The following SPIDR variants were observed in gnomAD, a reference collection of about 807,000 sequenced individuals.
SPIDR encodes the protein DNA repair-scaffolding protein.
Under a neutral mutation model 104.6 loss-of-function variants are expected in SPIDR, and 93 were observed. The ratio of observed to expected loss-of-function variants is 0.89; its 90% CI spans 0.75 to 1.06. The LOEUF is 1.06. Among genes scored for constraint, SPIDR ranks in the 50% least tolerant of loss-of-function variants. SPIDR has a pLI of 0.00. For missense variants in SPIDR, 1,154 were observed against 1,111.2 expected, an observed-to-expected ratio of 1.04 and a Z score of -0.55; for synonymous variants, 431 against 416.9, an observed-to-expected ratio of 1.03 and a Z score of -0.41.
In SPIDR at chr8:47,440,419, C is replaced by T; in HGVS notation, c.974C>T (p.Ala325Val). 6.2e-7 allele frequency: 1 copy of T among 1,614,220 alleles called. No homozygotes were observed. The highest frequency in any genetic ancestry group is 8.5e-7 in the Non-Finnish European group (1 of 1,180,036). ...AMCEQLLGSP[A>V]TSSSQSVAPR... ...TGTGAGCAGTTATTGGGGTCACCAGCCACCAGCTCCTCCCAAAGTGTGGCT... is the reference window on the plus strand; with the variant it reads ...TGTGAGCAGTTATTGGGGTCACCAGTCACCAGCTCCTCCCAAAGTGTGGCT... Residue 325 changes from alanine to valine, a missense_variant, in exon 8 of 20, where the codon GCC (alanine) becomes GTC (valine). By Grantham distance (64) the Ala-to-Val change is moderately conservative. Transcript: ENST00000297423.
At chr8:47,487,021 G>A (rs1208002769) in intron 8 of SPIDR, among the ~76,000 whole-genome samples, 1 of 152,152 alleles carries the variant, frequency 6.6e-6, no homozygotes, top group Non-Finnish European at 1.5e-5. Context: ...AAATGTAAAT[G>A]GGCTAAATGC....
At chr8:47,325,904 G>C (rs782422676) in intron 5 of SPIDR, among the ~76,000 whole-genome samples, 1 of 152,180 alleles carries the variant, frequency 6.6e-6, no homozygotes, top group Non-Finnish European at 1.5e-5. Flanking sequence ...AAGTCTTCCA[G>C]CACACCTAAA....
intron 8 of SPIDR, among the ~76,000 whole-genome samples, chr8:47,465,260 A>G (rs1219257598): frequency 6.6e-6 from 1 of 152,208 alleles, no homozygotes; most frequent in Admixed American, 6.5e-5. Context: ...AGCCACTACC[A>G]TAAGTTACTT....
chr8:47,544,909 C>T (rs1019269606), intron 8 of SPIDR, among the ~76,000 whole-genome samples: 4 of 152,124 alleles, frequency 2.6e-5, no homozygotes, highest in African/African-American at 9.7e-5. Flanking sequence ...AAGAATTGAA[C>T]TACTAATTAT....
chr8:47,693,671 G>T (rs1029038674), intron 11 of SPIDR, among the ~76,000 whole-genome samples: 1 of 152,132 alleles, frequency 6.6e-6, no homozygotes, highest in Non-Finnish European at 1.5e-5. Context: ...CACAAAACAG[G>T]CAGCACTAAC....
chr8:47,389,437 C>A (rs1170324937), intron 5 of SPIDR, among the ~76,000 whole-genome samples: 5 of 152,020 alleles, frequency 3.3e-5, no homozygotes, highest in African/African-American at 7.2e-5. Flanking sequence ...CACCTGTAAT[C>A]CCAGCACTTT....
At chr8:47,476,247 G>C (rs1194985839) in intron 8 of SPIDR, among the ~76,000 whole-genome samples, 4 of 152,186 alleles carry the variant, frequency 2.6e-5, no homozygotes, top group African/African-American at 9.7e-5. Context: ...ACAGGGTTCA[G>C]CTACTGGAGG....
At chr8:47,377,017 T>G (rs1449561390) in intron 5 of SPIDR, among the ~76,000 whole-genome samples, 4 of 152,180 alleles carry the variant, frequency 2.6e-5, no homozygotes, top group Non-Finnish European at 5.9e-5. Flanking sequence ...TGACAGACAC[T>G]GCATGGCCCA....
At chr8:47,643,027 T>C (rs978558338) in intron 10 of SPIDR, among the ~76,000 whole-genome samples, 1 of 152,248 alleles carries the variant, frequency 6.6e-6, no homozygotes, top group Non-Finnish European at 1.5e-5. Context: ...CTGTTATTGA[T>C]TGAATCTGGA....
chr8:47,272,286 C>G (rs891596756), intron 1 of SPIDR, among the ~76,000 whole-genome samples: 5 of 151,966 alleles, frequency 3.3e-5, no homozygotes, highest in African/African-American at 1.2e-4. Flanking sequence ...TGCTTGAAAA[C>G]TGGACGTTTT....
chr8:47,578,834 A>G (rs1304253840), intron 8 of SPIDR, among the ~76,000 whole-genome samples: 1 of 152,222 alleles, frequency 6.6e-6, no homozygotes. Flanking sequence ...AGCACATACA[A>G]TCATAAATGC....
intron 5 of SPIDR, among the ~76,000 whole-genome samples, chr8:47,358,601 G>A: frequency 6.6e-6 from 1 of 152,134 alleles, no homozygotes; most frequent in East Asian, 1.9e-4. Context: ...CAACAATCTT[G>A]TGAAGAAGAA....
intron 8 of SPIDR, among the ~76,000 whole-genome samples, chr8:47,549,166 T>C (rs547951983): frequency 6.6e-6 from 1 of 152,368 alleles, no homozygotes; most frequent in East Asian, 1.9e-4. Flanking sequence ...ATCCAGTCTA[T>C]CATTGATGGA....
At chr8:47,622,490 C>T (rs566882506) in intron 10 of SPIDR, among the ~76,000 whole-genome samples, 24 of 152,238 alleles carry the variant, frequency 1.6e-4, no homozygotes, top group African/African-American at 4.8e-4. Flanking sequence ...TGACCTGACG[C>T]GGGTCTCCTT....
At position 47,405,338 on chromosome 8, in the gene SPIDR, G is replaced by GTA. The variant is rs1187948263; in HGVS notation, c.777-2513_777-2512dup. 2.9e-3 allele frequency among the ~76,000 whole-genome samples: 441 copies of GTA among 151,520 alleles called. 1 individual carries two copies. The highest frequency in any genetic ancestry group is 9.9e-3 in the African/African-American group (407 of 41,280). On this transcript the variant is annotated intron_variant, in intron 6 of 19. Transcript: ENST00000297423. ...TGTGTGTGTGTATATATGTGTGTGT[G>GTA]TATATATATATGTATATTTAACAAA...
At chr8:47,346,802 T>G (rs1428996094) in intron 5 of SPIDR, among the ~76,000 whole-genome samples, 1 of 152,248 alleles carries the variant, frequency 6.6e-6, no homozygotes, top group Non-Finnish European at 1.5e-5. Flanking sequence ...GGATTGGTGG[T>G]GATATCCCCT....
chr8:47,442,692 G>C (rs1267011169), intron 8 of SPIDR, among the ~76,000 whole-genome samples: 1 of 152,192 alleles, frequency 6.6e-6, no homozygotes, highest in Non-Finnish European at 1.5e-5. Flanking sequence ...AAGTTCATTT[G>C]TGGTGGCAGA....
intron 10 of SPIDR, among the ~76,000 whole-genome samples, chr8:47,649,180 T>C (rs756664855): frequency 8.6e-5 from 13 of 151,626 alleles, no homozygotes; most frequent in East Asian, 3.9e-4. Flanking sequence ...GAGTTTGAGG[T>C]TGTAGTGCAC....
intron 5 of SPIDR, among the ~76,000 whole-genome samples, chr8:47,382,395 A>G (rs1342186534): frequency 4.6e-5 from 7 of 152,298 alleles, no homozygotes; most frequent in Admixed American, 1.3e-4. Flanking sequence ...GCATTGTGCT[A>G]ATTAATTTTT....
Sources: allele counts gnomAD v4.1 joint callset (sites outside exome capture counted in the v4.1 genomes callset), GRCh38; gene constraint gnomAD v4.1.1; transcripts MANE v1.5; gene names NCBI Gene and HGNC (gene_info 2026-07-23, HGNC 2026-07-21).